The following UBE2E2 variants were observed in gnomAD, a reference collection of about 807,000 sequenced individuals.
UBE2E2 encodes the protein ubiquitin-conjugating enzyme E2 E2.
A neutral mutation model predicts 24.7 loss-of-function variants in UBE2E2; 6 were observed. The observed-to-expected ratio is 0.24, with a 90% CI of 0.13 to 0.48. The LOEUF (loss-of-function observed/expected upper bound fraction) is 0.48, where lower values mean the gene tolerates loss of function less well. Ranked by LOEUF, UBE2E2 falls within the 20% of genes least tolerant of loss-of-function variation. UBE2E2 has a pLI of 0.99. For missense variants in UBE2E2, 169 were observed against 245.0 expected (o/e 0.69, Z 2.07); for synonymous variants, 104 against 83.6 (o/e 1.24, Z -1.33).
chr3:23,465,879 C>G (rs1352986867), intron 3 of UBE2E2, among the ~76,000 whole-genome samples: 13 of 152,136 alleles, frequency 8.5e-5, no homozygotes, highest in Non-Finnish European at 5.9e-5. Flanking sequence ...GCCTCACATT[C>G]TCACAAAAAT....
chr3:23,284,254 G>T (rs1051149706), intron 3 of UBE2E2, among the ~76,000 whole-genome samples: 1 of 151,968 alleles, frequency 6.6e-6, no homozygotes, highest in Non-Finnish European at 1.5e-5. Flanking sequence ...TTATTGAAGA[G>T]ACAATTTTTT....
intron 4 of UBE2E2, among the ~76,000 whole-genome samples, chr3:23,517,716 A>G (rs917037844): frequency 3.3e-5 from 5 of 152,174 alleles, no homozygotes; most frequent in Admixed American, 6.5e-5. Context: ...AGCTGTACAT[A>G]CAACTATCAG....
At chr3:23,343,100 GTA>G (rs34339205) in intron 3 of UBE2E2, among the ~76,000 whole-genome samples, 16 of 150,700 alleles carry the variant, frequency 1.1e-4, no homozygotes, top group Non-Finnish European at 3.0e-5. Flanking sequence ...ATATTAGTAT[GTA>G]TATATATATG....
intron 5 of UBE2E2, among the ~76,000 whole-genome samples, chr3:23,551,477 AT>A (rs1695642357): frequency 6.6e-6 from 1 of 152,354 alleles, no homozygotes; most frequent in Non-Finnish European, 1.5e-5. Flanking sequence ...CAGCTATACT[AT>A]TCAAACTTGC....
chr3:23,507,316 G>A (rs536154083), intron 4 of UBE2E2, among the ~76,000 whole-genome samples: 1 of 151,986 alleles, frequency 6.6e-6, no homozygotes, highest in South Asian at 2.1e-4. Flanking sequence ...TTTTGCTATA[G>A]CACCTCTCCC....
intron 4 of UBE2E2, among the ~76,000 whole-genome samples, chr3:23,530,679 C>T (rs567884296): frequency 1.3e-5 from 2 of 152,272 alleles, no homozygotes; most frequent in African/African-American, 4.8e-5. Flanking sequence ...TGTCATAAGG[C>T]ATATCTTTTC....
intron 3 of UBE2E2, among the ~76,000 whole-genome samples, chr3:23,408,882 C>CA (rs1452755102): frequency 6.6e-6 from 1 of 152,080 alleles, no homozygotes; most frequent in Non-Finnish European, 1.5e-5. Context: ...AGCAAATGCA[C>CA]AGGGTTGTAT....
intron 4 of UBE2E2, among the ~76,000 whole-genome samples, chr3:23,504,838 G>A (rs1024754580): frequency 6.6e-6 from 1 of 150,396 alleles, no homozygotes; most frequent in African/African-American, 2.5e-5. Flanking sequence ...TTATGTTGGG[G>A]TTTTTTCCTA....
chr3:23,504,655 T>G lies in UBE2E2; in HGVS notation c.360+4915T>G, dbSNP rs569893046. ...TGAAAAGTCGTATCTTATGGTTGCA[T>G]TAATTTACATTTATTTGACTACCTG... is the stretch of plus-strand genomic sequence containing the variant. On this transcript the variant is annotated intron_variant, in intron 4 of 5. Transcript: ENST00000396703. 2.0e-5 allele frequency among the ~76,000 whole-genome samples: 3 copies of G among 152,208 alleles called. No homozygotes were observed. In the South Asian group the frequency reaches 6.2e-4, roughly 32 times the overall value.
intron 3 of UBE2E2, among the ~76,000 whole-genome samples, chr3:23,252,280 T>C (rs1419038624): frequency 6.6e-6 from 1 of 152,196 alleles, no homozygotes; most frequent in East Asian, 1.9e-4. Flanking sequence ...GCAGTGTGTA[T>C]GATGGTGTGA....
chr3:23,500,618 T>A (rs1235456005), intron 4 of UBE2E2, among the ~76,000 whole-genome samples: 1 of 152,208 alleles, frequency 6.6e-6, no homozygotes, highest in Admixed American at 6.5e-5. Flanking sequence ...GAAAACTTGT[T>A]TGTATTGTGG....
At chr3:23,401,553 C>G (rs761582664) in intron 3 of UBE2E2, among the ~76,000 whole-genome samples, 5 of 152,164 alleles carry the variant, frequency 3.3e-5, no homozygotes, top group Non-Finnish European at 7.3e-5. Context: ...GTGCTCCCAA[C>G]TTACTATGCT....
intron 3 of UBE2E2, among the ~76,000 whole-genome samples, chr3:23,296,520 C>G (rs141949461): frequency 0.029 from 4,372 of 152,220 alleles, 109 homozygotes; most frequent in East Asian, 0.13. Flanking sequence ...CATGTGTTCT[C>G]ATTGTTCAAT....
chr3:23,467,431 A>G (rs1698943285), intron 3 of UBE2E2, among the ~76,000 whole-genome samples: 3 of 152,188 alleles, frequency 2.0e-5, no homozygotes, highest in African/African-American at 4.8e-5. Flanking sequence ...TTGGTTTAGA[A>G]TACTGGGTCT....
chr3:23,220,170 G>A (rs1012620118), intron 3 of UBE2E2, among the ~76,000 whole-genome samples: 3 of 152,052 alleles, frequency 2.0e-5, no homozygotes, highest in East Asian at 1.9e-4. Flanking sequence ...TTCTAATATA[G>A]TATTGGTTAA....
At chr3:23,523,842 A>G (rs114614137) in intron 4 of UBE2E2, among the ~76,000 whole-genome samples, 8,308 of 149,512 alleles carry the variant, frequency 0.056, 377 homozygotes, top group Non-Finnish European at 0.08. Flanking sequence ...TTTTTTATGT[A>G]TACTAACAAC....
intron 3 of UBE2E2, among the ~76,000 whole-genome samples, chr3:23,295,856 C>A (rs1250938957): frequency 6.6e-6 from 1 of 152,108 alleles, no homozygotes; most frequent in Non-Finnish European, 1.5e-5. Flanking sequence ...GGGTAGTGCC[C>A]TGAAGGGAAA....
chr3:23,385,398 T>C (rs1407928622), intron 3 of UBE2E2, among the ~76,000 whole-genome samples: 1 of 152,218 alleles, frequency 6.6e-6, no homozygotes, highest in Non-Finnish European at 1.5e-5. Context: ...CTGCCTGTTT[T>C]GTGATCTTTC....
intron 2 of UBE2E2, among the ~76,000 whole-genome samples, chr3:23,216,836 A>C (rs1486830528): frequency 1.3e-5 from 2 of 152,100 alleles, no homozygotes; most frequent in African/African-American, 2.4e-5. Flanking sequence ...TGGCAGTTTC[A>C]GGTGTTGGAA....
Sources: gnomAD v4.1 joint callset for allele counts (sites outside exome capture counted in the v4.1 genomes callset) on GRCh38, gnomAD v4.1.1 for gene constraint, MANE v1.5 for transcripts, NCBI Gene and HGNC (gene_info 2026-07-23, HGNC 2026-07-21) for gene names.